The following TIAM1 variants were observed in gnomAD, a reference collection of about 807,000 sequenced individuals.
TIAM1 encodes the protein TIAM Rac1 associated GEF 1.
TIAM1 carries 65 observed loss-of-function variants against 163.5 expected under a neutral mutation model. The ratio of observed to expected loss-of-function variants is 0.40; its 90% confidence interval spans 0.33 to 0.49. The LOEUF (loss-of-function observed/expected upper bound fraction) is 0.49, where lower values mean the gene tolerates loss of function less well. Ranked by LOEUF, TIAM1 falls within the 20% of genes least tolerant of loss-of-function variation. The pLI, the probability that TIAM1 is intolerant of heterozygous loss-of-function variation, is 0.77. For synonymous variants in TIAM1, 833 were observed against 810.1 expected (o/e 1.03, Z -0.48); for missense variants, 1,789 against 2,044.7 (o/e 0.87, Z 2.41).
At position 31,130,244 on chromosome 21, in the gene TIAM1, T is replaced by C; in HGVS notation, c.4014A>G (p.Glu1338=). The C allele has an allele frequency of 1.2e-6, 2 of 1,614,168 alleles. No individual in the cohort carries two copies. Among genetic ancestry groups the C allele is most frequent in the Non-Finnish European group, 1.7e-6 (2 of 1,180,024 alleles). The change falls in exon 25 of 28, where the codon GAA becomes GAG. Residue 1338 remains glutamate (E), a synonymous_variant. Coordinates refer to ENST00000541036, the MANE Select transcript of TIAM1 (RefSeq NM_001353694.2). ...TCGCCAAAGCTCGAACCTGCAGCGC[T>C]TCCGTGGGGATCATGTGTCGAAATC... ...PFRFRHMIPT[E]ALQVRALASA... is the part of the protein sequence containing the mutation.
intron 16 of TIAM1, among the ~76,000 whole-genome samples, chr21:31,159,531 C>T (rs1449466235): frequency 1.7e-4 from 26 of 152,326 alleles, no homozygotes; most frequent in Admixed American, 1.7e-3. Flanking sequence ...GGCCTAAAAT[C>T]TTATAGCCTT....
At chr21:31,288,688 T>C (rs979517606) in intron 2 of TIAM1, among the ~76,000 whole-genome samples, 1 of 152,130 alleles carries the variant, frequency 6.6e-6, no homozygotes, top group Non-Finnish European at 1.5e-5. Flanking sequence ...TAATGGCCAA[T>C]TCCAATGCAG....
intron 2 of TIAM1, among the ~76,000 whole-genome samples, chr21:31,375,207 T>C (rs581394): frequency 0.59 from 90,209 of 152,058 alleles, 26,854 homozygotes; most frequent in Middle Eastern, 0.73. Context: ...TTCAGATAAA[T>C]AAAACATCAG....
intron 11 of TIAM1, among the ~76,000 whole-genome samples, chr21:31,206,875 A>C (rs1466368745): frequency 6.6e-6 from 1 of 152,202 alleles, no homozygotes; most frequent in African/African-American, 2.4e-5. Context: ...GAAGACATAC[A>C]AACATGCAAT....
chr21:31,464,302 A>G (rs2045442541), intron 1 of TIAM1, among the ~76,000 whole-genome samples: 1 of 152,254 alleles, frequency 6.6e-6, no homozygotes, highest in South Asian at 2.1e-4. Flanking sequence ...AGCCTTCTAC[A>G]GTAACAATAT....
intron 1 of TIAM1, among the ~76,000 whole-genome samples, chr21:31,516,833 C>T (rs2047398374): frequency 6.6e-6 from 1 of 151,488 alleles, no homozygotes; most frequent in African/African-American, 2.4e-5. Flanking sequence ...AGGCAGATCA[C>T]GAGGTCAGGA....
chr21:31,476,915 T>C (rs955394049), intron 1 of TIAM1, among the ~76,000 whole-genome samples: 3 of 152,192 alleles, frequency 2.0e-5, no homozygotes, highest in Non-Finnish European at 4.4e-5. Context: ...AACATGTTGC[T>C]AGGCAACCAG....
rs528956810 is a variant in TIAM1 at position 31,229,722 on chromosome 21, G to A, written c.1585-3772C>T. 9.2e-5 allele frequency among the ~76,000 whole-genome samples: 14 copies of A among 151,636 alleles called. No homozygotes were observed. In the East Asian group the frequency reaches 2.1e-3, roughly 23 times the overall value. ...TGGAGTGCAGTAGCAGTGCAATCTC[G>A]GCTCACTGCAACCTCCGCCTCCCAA... On this transcript the variant is annotated intron_variant, in intron 6 of 27. Transcript: ENST00000541036.
At chr21:31,485,492 A>C (rs1476428135) in intron 1 of TIAM1, among the ~76,000 whole-genome samples, 2 of 152,180 alleles carry the variant, frequency 1.3e-5, no homozygotes, top group Admixed American at 1.3e-4. Context: ...GAGTGTGGAG[A>C]GAGGAGGCAG....
At chr21:31,422,807 TA>T (rs898334279) in intron 2 of TIAM1, among the ~76,000 whole-genome samples, 8 of 152,314 alleles carry the variant, frequency 5.3e-5, no homozygotes, top group Middle Eastern at 6.8e-3. Flanking sequence ...ATTGGCTTTC[TA>T]AAGAAAGTTT....
intron 2 of TIAM1, among the ~76,000 whole-genome samples, chr21:31,364,441 C>T (rs537829778): frequency 3.9e-4 from 59 of 152,282 alleles, no homozygotes; most frequent in African/African-American, 1.0e-3. Context: ...CTCAAGCCTC[C>T]GCAGAGGGAG....
chr21:31,179,826 T>C (rs2084929741), intron 15 of TIAM1, among the ~76,000 whole-genome samples: 1 of 152,092 alleles, frequency 6.6e-6, no homozygotes, highest in Non-Finnish European at 1.5e-5. Context: ...ATTTATTCAA[T>C]GCATTTTAAA....
chr21:31,543,555 A>ACGGAGGAAGCAGAACAT (rs1293935187), intron 1 of TIAM1, among the ~76,000 whole-genome samples: 2 of 152,226 alleles, frequency 1.3e-5, no homozygotes, highest in Admixed American at 6.5e-5. Flanking sequence ...ACTTCAAGTC[A>ACGGAGGAAGCAGAACAT]CGGAGGAAGC....
chr21:31,290,664 A>C (rs2146912959), intron 2 of TIAM1, among the ~76,000 whole-genome samples: 1 of 149,516 alleles, frequency 6.7e-6, no homozygotes, highest in East Asian at 1.9e-4. Context: ...AAAAAAAAAA[A>C]AAAAAAAAAA....
Position 31,437,502 on chromosome 21 carries a change from CA to C in TIAM1, c.-369+26480del, listed in dbSNP as rs778245444. ...TTGGTGACAGAGAGAGACCCTGTCT[CA>C]AAAAAAAAAAAAAGCAACTACATAA... On this transcript the variant is annotated intron_variant, in intron 2 of 28. Transcript: ENST00000286827. Among the ~76,000 whole-genome samples, 697 of 106,240 alleles carry C rather than the reference CA, an allele frequency of 6.6e-3. 12 individuals are homozygous for C. The highest frequency in any genetic ancestry group is 0.012 in the African/African-American group (313 of 25,452). 69.7% of individuals were successfully genotyped at this position (106,240 alleles called of 152,430 possible). A position where few individuals can be genotyped will look rare whatever the true frequency, so the allele number is the denominator to read the frequency against.
chr21:31,542,602 T>A (rs1462438533), intron 1 of TIAM1, among the ~76,000 whole-genome samples: 6 of 152,302 alleles, frequency 3.9e-5, no homozygotes, highest in Admixed American at 3.9e-4. Flanking sequence ...AGGCTCAGTA[T>A]CCAGGTACAA....
At chr21:31,259,326 A>G (rs2072311627) in intron 4 of TIAM1, among the ~76,000 whole-genome samples, 2 of 151,916 alleles carry the variant, frequency 1.3e-5, no homozygotes, top group African/African-American at 2.4e-5. Context: ...TGGTAGAGAC[A>G]AGGTCTCACT....
intron 1 of TIAM1, among the ~76,000 whole-genome samples, chr21:31,508,966 A>T (rs74428655): frequency 6.6e-6 from 1 of 151,958 alleles, no homozygotes; most frequent in African/African-American, 2.4e-5. Flanking sequence ...CCCCTCCCCC[A>T]TGCCTTGTCA....
intron 1 of TIAM1, among the ~76,000 whole-genome samples, chr21:31,538,216 T>A (rs2048202672): frequency 6.8e-6 from 1 of 146,448 alleles, no homozygotes; most frequent in South Asian, 2.1e-4. Flanking sequence ...TTTCTGTATG[T>A]ATGTTATATT....
Sources: allele counts gnomAD v4.1 joint callset (sites outside exome capture counted in the v4.1 genomes callset), GRCh38; gene constraint gnomAD v4.1.1; transcripts MANE v1.5; gene names NCBI Gene and HGNC (gene_info 2026-07-23, HGNC 2026-07-21).